CDH1: variants seen among roughly 807,000 people sequenced by gnomAD.
CDH1 encodes cadherin-1.
A neutral mutation model predicts 84.5 loss-of-function variants in CDH1; 35 were observed. That is an observed-to-expected ratio of 0.41 (90% confidence interval 0.32 to 0.55). The LOEUF (loss-of-function observed/expected upper bound fraction) is 0.55. CDH1 is among the 20% of genes least tolerant of loss of function. The pLI is 0.19. For synonymous variants in CDH1, 417 were observed against 439.0 expected, an observed-to-expected ratio of 0.95 and a Z score of 0.63; for missense variants, 994 against 1,126.6, an observed-to-expected ratio of 0.88 and a Z score of 1.68.
chr16:68,747,342 G>A (rs1962771447), intron 2 of CDH1, among the ~76,000 whole-genome samples: 1 of 151,998 alleles, frequency 6.6e-6, no homozygotes, highest in Admixed American at 6.6e-5. Context: ...CCAGGATGAG[G>A]CTGCAGAGGC....
At chr16:68,757,017 A>G (rs1963033697) in intron 2 of CDH1, among the ~76,000 whole-genome samples, 1 of 152,164 alleles carries the variant, frequency 6.6e-6, no homozygotes, top group African/African-American at 2.4e-5. Flanking sequence ...ACAAAAAACA[A>G]AACAAAACAA....
chr16:68,745,333 A>T (rs987013992), intron 2 of CDH1, among the ~76,000 whole-genome samples: 4 of 151,372 alleles, frequency 2.6e-5, no homozygotes, highest in Non-Finnish European at 5.9e-5. Context: ...GATTAAAAAA[A>T]AAATTTAGCC....
At chr16:68,765,236 C>T (rs1459010799) in intron 2 of CDH1, 1 of 152,026 alleles carries the variant, frequency 6.6e-6, no homozygotes, top group Non-Finnish European at 1.5e-5. Context: ...GCTCTGTCGC[C>T]AGGTACAGTG....
intron 12 of CDH1, 139 bp downstream of exon 12, chr16:68,822,364 T>A: frequency 1.4e-6 from 1 of 715,408 alleles, no homozygotes; most frequent in Non-Finnish European, 2.5e-6. Context: ...GTCCCTTCTG[T>A]CTTTGAGGCC....
intron 6 of CDH1, among the ~76,000 whole-genome samples, chr16:68,810,857 C>G (rs1186207720): frequency 2.0e-5 from 3 of 151,282 alleles, no homozygotes; most frequent in South Asian, 4.2e-4. Flanking sequence ...CAGATCCAGA[C>G]TCCGTCTCAA....
At chr16:68,773,829 C>A (rs1206305379) in intron 2 of CDH1, among the ~76,000 whole-genome samples, 2 of 152,194 alleles carry the variant, frequency 1.3e-5, no homozygotes, top group Non-Finnish European at 2.9e-5. Flanking sequence ...CTGTTCATAT[C>A]CATGAGAAAC....
chr16:68,788,611 G>A (rs1960129139), intron 2 of CDH1, among the ~76,000 whole-genome samples: 1 of 152,160 alleles, frequency 6.6e-6, no homozygotes. Context: ...TTGCTGAGTA[G>A]CTATACCATA....
chr16:68,738,992 A>C (rs1308506649), intron 2 of CDH1, among the ~76,000 whole-genome samples: 1 of 110,904 alleles, frequency 9.0e-6, no homozygotes, highest in Non-Finnish European at 1.7e-5. Context: ...CTGTTGCCCA[A>C]GCTGGAGTGC....
At chr16:68,790,329 C>A (rs1960173552) in intron 2 of CDH1, among the ~76,000 whole-genome samples, 1 of 152,002 alleles carries the variant, frequency 6.6e-6, no homozygotes, top group African/African-American at 2.4e-5. Context: ...CTCGGGGAAT[C>A]CAACAGAAAG....
chr16:68,738,375 C>T lies in CDH1; in HGVS notation c.127C>T (p.Arg43Trp), dbSNP rs1962460987. The T allele has an allele frequency of 1.9e-6, 3 of 1,550,940 alleles. No individual in the cohort carries two copies. The highest frequency in any genetic ancestry group is 2.6e-6 in the Non-Finnish European group (3 of 1,146,648). The change falls in exon 2 of 16, where the codon CGG becomes TGG. Residue 43 changes from arginine (R) to tryptophan (W), a missense_variant. Transcript: ENST00000261769. ...CGAGAGCTACACGTTCACGGTGCCC[C>T]GGCGCCACCTGGAGAGAGGCCGCGT... ...DAESYTFTVP[R>W]RHLERGRVLG...
intron 2 of CDH1, among the ~76,000 whole-genome samples, chr16:68,786,731 G>A (rs938492620): frequency 6.6e-6 from 1 of 151,958 alleles, no homozygotes; most frequent in Non-Finnish European, 1.5e-5. Flanking sequence ...GAAAAATGAT[G>A]CTAGCATCCA....
At chr16:68,775,134 A>G (rs935226001) in intron 2 of CDH1, among the ~76,000 whole-genome samples, 1 of 151,870 alleles carries the variant, frequency 6.6e-6, no homozygotes, top group Non-Finnish European at 1.5e-5. Context: ...TCAAAAAAAA[A>G]AAAAAAAGAA....
chr16:68,782,278 C>T (rs1323715379), intron 2 of CDH1, among the ~76,000 whole-genome samples: 1 of 152,176 alleles, frequency 6.6e-6, no homozygotes, highest in Non-Finnish European at 1.5e-5. Context: ...GGATGTTGCC[C>T]TGTCCCAGGA....
intron 2 of CDH1, among the ~76,000 whole-genome samples, chr16:68,778,108 T>A (rs1455804048): frequency 6.6e-6 from 1 of 152,028 alleles, no homozygotes; most frequent in African/African-American, 2.4e-5. Flanking sequence ...AGTGCAGTGG[T>A]GCAATCTCAG....
At chr16:68,829,608 A>G (rs965855274) in intron 14 of CDH1, 46 bp from the exon 15 acceptor site, 4 of 1,593,306 alleles carry the variant, frequency 2.5e-6, no homozygotes, top group East Asian at 2.2e-5. Flanking sequence ...GTGTATGACT[A>G]TTTCTTTCCT....
At chr16:68,766,050 G>A (rs1041355883) in intron 2 of CDH1, among the ~76,000 whole-genome samples, 1 of 152,072 alleles carries the variant, frequency 6.6e-6, no homozygotes, top group Non-Finnish European at 1.5e-5. Flanking sequence ...ATGAGGTCAG[G>A]AGTTTGAGAC....
At chr16:68,768,096 G>A (rs1482316579) in intron 2 of CDH1, among the ~76,000 whole-genome samples, 1 of 152,080 alleles carries the variant, frequency 6.6e-6, no homozygotes, top group Non-Finnish European at 1.5e-5. Flanking sequence ...ACAGGCATGC[G>A]TCACCACACC....
intron 2 of CDH1, among the ~76,000 whole-genome samples, chr16:68,758,952 T>C (rs968637661): frequency 5.3e-5 from 8 of 151,846 alleles, no homozygotes; most frequent in African/African-American, 1.9e-4. Context: ...CCTGCCACCA[T>C]GCCTGGCTAA....
rs117462653 is a variant in CDH1 at position 68,787,655 on chromosome 16, T to C, written c.164-14015T>C. 1.0e-3 allele frequency among the ~76,000 whole-genome samples: 153 copies of C among 149,978 alleles called. 3 individuals are homozygous for C. The East Asian group carries it at 0.023, about 23-fold the overall frequency. On this transcript the variant is annotated intron_variant, in intron 2 of 15. Transcript: ENST00000261769. ...CACCATGCCCAGCCTATAACTATTG[T>C]TTTGTTTTGTTTTGTTTTTTGGAGA...
Sources: allele counts gnomAD v4.1 joint callset (sites outside exome capture counted in the v4.1 genomes callset), GRCh38; gene constraint gnomAD v4.1.1; transcripts MANE v1.5; gene names NCBI Gene and HGNC (gene_info 2026-07-23, HGNC 2026-07-21).